Variants in NFE2L1 observed in about 807,000 individuals in gnomAD.
NFE2L1 encodes the protein NFE2 like bZIP transcription factor 1.
A neutral mutation model predicts 61.6 loss-of-function variants in NFE2L1; 18 were observed. That is an observed-to-expected ratio of 0.29 (90% CI 0.20 to 0.43). The LOEUF is 0.43. NFE2L1 is among the 20% of genes least tolerant of loss of function. The pLI is 1.00. For missense variants in NFE2L1, 827 were observed against 973.5 expected (o/e 0.85, Z 2.00); for synonymous variants, 419 against 402.7 (o/e 1.04, Z -0.48).
At position 48,059,506 on chromosome 17, in the gene NFE2L1, G is replaced by A; in HGVS notation, c.2184G>A (p.Glu728=). 6.2e-7 allele frequency: 1 copy of A among 1,614,080 alleles called. No individual in the cohort carries two copies. Among genetic ancestry groups the A allele is most frequent in the South Asian group, 1.1e-5 (1 of 91,080 alleles). ...AGGTGTTTGGGCGGCTGCGAGATGA[G>A]AACGGACGACCCTACTCGCCCAGTC... ...YQEVFGRLRD[E]NGRPYSPSQY... Residue 728 remains glutamate (E), a synonymous_variant, in exon 6 of 6, where the codon GAG becomes GAA. Transcript: ENST00000362042. The surrounding 1 kb of genome is among the most constrained non-coding windows in gnomAD (Gnocchi z 6.1).
At chr17:48,055,567 T>A (rs999591888) in intron 2 of NFE2L1, among the ~76,000 whole-genome samples, 2 of 135,240 alleles carry the variant, frequency 1.5e-5, no homozygotes, top group African/African-American at 6.2e-5. Flanking sequence ...ATTTGGTGAG[T>A]CCTGGGGTAT....
Position 48,059,146 on chromosome 17 carries a change from C to T in NFE2L1, c.1824C>T (p.Asp608=). 1.2e-6 allele frequency: 2 copies of T among 1,613,990 alleles called. No homozygotes were observed. The highest frequency in any genetic ancestry group is 1.7e-6 in the Non-Finnish European group (2 of 1,180,030). The part of the protein sequence containing the change: ...GSKEKQADFL[D]KQMSRDEHRA... ...AGGAGAAGCAGGCTGACTTCCTGGA[C>T]AAGCAGATGAGCCGGGATGAGCACC... is the stretch of plus-strand genomic sequence containing the variant. Residue 608 remains aspartate (D), a synonymous_variant, in exon 6 of 6, where the codon GAC becomes GAT. Coordinates refer to ENST00000362042, the MANE Select transcript of NFE2L1 (RefSeq NM_003204.3). The surrounding 1 kb of genome is among the most constrained non-coding windows in gnomAD (Gnocchi z 6.1).
At chr17:48,052,310 T>G (rs1260957278) in intron 2 of NFE2L1, among the ~76,000 whole-genome samples, 1 of 152,220 alleles carries the variant, frequency 6.6e-6, no homozygotes, top group East Asian at 1.9e-4. Context: ...CATACTGTTC[T>G]GGGCAGAAAG....
At chr17:48,057,280 T>C (rs2037427133) in intron 4 of NFE2L1, 64 bp from the exon 5 acceptor site, 2 of 1,599,154 alleles carry the variant, frequency 1.3e-6, no homozygotes, top group Admixed American at 3.5e-5. Flanking sequence ...CAGGTGGTAA[T>C]CTCTGGGAGG....
In NFE2L1 at chr17:48,059,759, C is replaced by A; in HGVS notation, c.*118C>A. Reference sequence around the variant, plus strand: ...AATGCCTTCTTATCCAATATATCTTCTCAGATGGGATGACTGCGGGTCAGT... The same window carrying A: ...AATGCCTTCTTATCCAATATATCTTATCAGATGGGATGACTGCGGGTCAGT... On this transcript the variant is annotated 3_prime_UTR_variant, in exon 6 of 6. Coordinates refer to ENST00000362042, the MANE Select transcript of NFE2L1 (RefSeq NM_003204.3). This position sits in a 1 kb window ranked among gnomAD's most constrained non-coding sequence, Gnocchi z 6.1. 1 of 1,387,498 alleles carries A rather than the reference C, an allele frequency of 7.2e-7. No individual in the cohort carries two copies. The highest frequency in any genetic ancestry group is 9.5e-7 in the Non-Finnish European group (1 of 1,053,734). 85.9% of individuals were successfully genotyped at this position (1,387,498 alleles called of 1,614,324 possible). A position where few individuals can be genotyped will look rare whatever the true frequency, so the allele number is the denominator to read the frequency against.
At position 48,050,765 on chromosome 17, in the gene NFE2L1, C is replaced by T; in HGVS notation, c.-354C>T. On this transcript the variant is annotated 5_prime_UTR_variant, in exon 2 of 6. Coordinates refer to ENST00000362042, the MANE Select transcript of NFE2L1 (RefSeq NM_003204.3). Reference sequence around the variant, plus strand: ...TGAGAACAGCCTGCATTGGAATCTACAGAGAGGACAACTAATGTGAGTGAG... The same window carrying T: ...TGAGAACAGCCTGCATTGGAATCTATAGAGAGGACAACTAATGTGAGTGAG... The T allele has an allele frequency of 1.9e-6, 1 of 527,846 alleles. No individual in the cohort carries two copies. The highest frequency in any genetic ancestry group is 3.3e-6 in the Non-Finnish European group (1 of 299,154). 32.7% of individuals were successfully genotyped at this position (527,846 alleles called of 1,614,324 possible). A position where few individuals can be genotyped will look rare whatever the true frequency, so the allele number is the denominator to read the frequency against.
rs1328887533 is a variant in NFE2L1 at position 48,051,617 on chromosome 17, T to C, written c.499T>C (p.Leu167=). The part of the protein sequence containing the change: ...GAVAPPVSGD[L]TKEDIDLIDI... ...TGTAGCCCCCCCAGTCAGTGGAGACTTAACCAAAGAGGTTAGTGGACCTGT... is the reference window on the plus strand; with the variant it reads ...TGTAGCCCCCCCAGTCAGTGGAGACCTAACCAAAGAGGTTAGTGGACCTGT... The change falls in exon 2 of 6, where the codon TTA becomes CTA. Residue 167 remains leucine, a synonymous_variant. Coordinates refer to ENST00000362042, the MANE Select transcript of NFE2L1 (RefSeq NM_003204.3). The C allele has an allele frequency of 1.2e-6, 2 of 1,612,388 alleles. No homozygotes were observed. Among genetic ancestry groups the C allele is most frequent in the African/African-American group, 1.3e-5 (1 of 74,876 alleles).
In NFE2L1 at chr17:48,056,595, A is replaced by C. The variant is rs1598289204; in HGVS notation, c.720A>C (p.Ala240=). The change falls in exon 3 of 6, where the codon GCA becomes GCC. Residue 240 remains alanine (A), a synonymous_variant. Transcript: ENST00000362042. The stretch of plus-strand genomic sequence containing the variant: ...GAGAGACTGGGGAGAGCTTCCCTGC[A>C]CAGGTACCATCGCCCCTGCTCACTG... The part of the protein sequence containing the change: ...VDGETGESFP[A]QVPSGEDQTA... 2.5e-6 allele frequency: 4 copies of C among 1,612,756 alleles called. No individual in the cohort carries two copies. In the East Asian group the frequency reaches 8.9e-5, roughly 36 times the overall value.
intron 2 of NFE2L1, among the ~76,000 whole-genome samples, chr17:48,052,066 G>A (rs1196943440): frequency 6.6e-6 from 1 of 152,136 alleles, no homozygotes; most frequent in Non-Finnish European, 1.5e-5. Context: ...TTGTGGCGAG[G>A]CCTGTTGTTG....
rs931177983 is a variant in NFE2L1, at chr17:48,050,624, C to T, written c.-495C>T. ...CATTTCAGGTTTCTCTGGAAACCCC[C>T]CTGGTAAGTGTGGAGGAGGCGGGAC... On this transcript the variant is annotated 5_prime_UTR_variant, in exon 2 of 6. Transcript: ENST00000362042. The T allele has an allele frequency of 1.2e-5, 5 of 411,186 alleles. No homozygotes were observed. Among genetic ancestry groups the T allele is most frequent in the African/African-American group, 2.1e-5 (1 of 48,742 alleles). The allele number at this position is 411,186 out of a possible 1,614,324, so 25.5% of individuals were successfully genotyped here. A position where few individuals can be genotyped will look rare whatever the true frequency, so the allele number is the denominator to read the frequency against.
At chr17:48,057,847 G>A (rs960872591) in intron 5 of NFE2L1, among the ~76,000 whole-genome samples, 3 of 152,184 alleles carry the variant, frequency 2.0e-5, no homozygotes, top group East Asian at 1.9e-4. Flanking sequence ...CACAGCCATC[G>A]TTCGCTCACT....
chr17:48,057,328 CTG>C lies in NFE2L1; in HGVS notation c.814-12_814-11del, dbSNP rs749958636. On this transcript the variant is annotated splice_polypyrimidine_tract_variant and intron_variant, in intron 4 of 5. Transcript: ENST00000362042. ...TTTTCCTTCCCCCTTGTTAAAGCCT[CTG>C]TGTTTTGCCCTAGTTTCCAGCAGAC... 11 of 1,611,972 alleles carry C rather than the reference CTG, an allele frequency of 6.8e-6. No individual in the cohort carries two copies. In the East Asian group the frequency reaches 2.2e-4, roughly 33 times the overall value.
chr17:48,059,065 C>A lies in NFE2L1; in HGVS notation c.1743C>A (p.Pro581=). The change falls in exon 6 of 6, where the codon CCC becomes CCA. Residue 581 remains proline (P), a synonymous_variant. Coordinates refer to ENST00000362042, the MANE Select transcript of NFE2L1 (RefSeq NM_003204.3). The surrounding 1 kb of genome is among the most constrained non-coding windows in gnomAD (Gnocchi z 6.1). ...ACAACCACACATACAACATGGCACCCAGTGCCCTGGACTCAGCCGACCTGC... is the reference window on the plus strand; with the variant it reads ...ACAACCACACATACAACATGGCACCAAGTGCCCTGGACTCAGCCGACCTGC... ...VGHNHTYNMA[P]SALDSADLPP... is the part of the protein sequence containing the mutation. 2 of 1,614,102 alleles carry A rather than the reference C, an allele frequency of 1.2e-6. No individual in the cohort carries two copies. The highest frequency in any genetic ancestry group is 3.3e-5 in the Admixed American group (2 of 60,008).
At chr17:48,050,351 C>T (rs577096961) in intron 1 of NFE2L1, among the ~76,000 whole-genome samples, 5 of 152,012 alleles carry the variant, frequency 3.3e-5, no homozygotes, top group Non-Finnish European at 5.9e-5. Context: ...TGGTGGCAGG[C>T]GCCTGTAATC....
At chr17:48,054,878 G>C in intron 2 of NFE2L1, 1 of 1,362,028 alleles carries the variant, frequency 7.3e-7, no homozygotes, top group African/African-American at 1.5e-5. Context: ...AGCAGCACGG[G>C]CGGGGCACCC....
chr17:48,058,158 TGACA>T, intron 5 of NFE2L1, 133 bp from the exon 6 acceptor site: 4 of 1,264,626 alleles, frequency 3.2e-6, no homozygotes, highest in South Asian at 3.6e-5. Flanking sequence ...GGTCAGGAGC[TGACA>T]CTGTGGGCTT....
Position 48,051,228 on chromosome 17 carries a change from C to T in NFE2L1, c.110C>T (p.Pro37Leu), listed in dbSNP as rs777363682. 62 of 1,614,050 alleles carry T rather than the reference C, an allele frequency of 3.8e-5. No individual in the cohort carries two copies. The highest frequency in any genetic ancestry group is 4.9e-5 in the Non-Finnish European group (58 of 1,180,040). ...DVDTYLTSQL[P>L]PLREIILGPS... ...GATACTTACCTGACCTCACAGCTTC[C>T]CCCACTCCGGGAGATCATCCTGGGG... Residue 37 changes from proline (P) to leucine (L), a missense_variant, in exon 2 of 6, where the codon CCC becomes CTC. Transcript: ENST00000362042.
chr17:48,058,194 T>A, intron 5 of NFE2L1, 101 bp from the exon 6 acceptor site: 1 of 1,477,166 alleles, frequency 6.8e-7, no homozygotes, highest in Non-Finnish European at 9.0e-7. Context: ...ATTTTGCCTT[T>A]ACACCCATGC....
In NFE2L1 at chr17:48,059,279, A is replaced by T; in HGVS notation, c.1957A>T (p.Ser653Cys). 6.2e-7 allele frequency: 1 copy of T among 1,614,184 alleles called. No individual in the cohort carries two copies. The highest frequency in any genetic ancestry group is 8.5e-7 in the Non-Finnish European group (1 of 1,180,038). The change falls in exon 6 of 6, where the codon AGC becomes TGC. Residue 653 changes from serine (S) to cysteine (C), a missense_variant. Ser to Cys is a moderately radical substitution (Grantham distance 112). Coordinates refer to ENST00000362042, the MANE Select transcript of NFE2L1 (RefSeq NM_003204.3). This position sits in a 1 kb window ranked among gnomAD's most constrained non-coding sequence, Gnocchi z 6.1. ...SKYQLSEAQL[S>C]LIRDIRRRGK... is the part of the protein sequence containing the mutation. ...ATACCAGTTGAGTGAAGCCCAGCTGAGCCTCATCCGAGACATCCGGCGCCG... is the reference window on the plus strand; with the variant it reads ...ATACCAGTTGAGTGAAGCCCAGCTGTGCCTCATCCGAGACATCCGGCGCCG...
Sources: gnomAD v4.1 joint callset for allele counts (sites outside exome capture counted in the v4.1 genomes callset) on GRCh38, gnomAD v4.1.1 for gene constraint, Gnocchi (gnomAD v3.1) non-coding constraint, MANE v1.5 for transcripts, NCBI Gene and HGNC (gene_info 2026-07-23, HGNC 2026-07-21) for gene names.